The following ITGA1 variants were observed in gnomAD, a reference collection of about 807,000 sequenced individuals.
The protein encoded by ITGA1 is integrin subunit alpha 1.
In ITGA1, 85 loss-of-function variants were observed where a neutral mutation model predicts 145.9. That is an observed-to-expected ratio of 0.58 (90% CI 0.49 to 0.70). The LOEUF (loss-of-function observed/expected upper bound fraction) is 0.70, where lower values mean the gene tolerates loss of function less well. ITGA1 is among the 30% of genes least tolerant of loss of function. The pLI is 0.00. For synonymous variants in ITGA1, 520 were observed against 495.3 expected, an observed-to-expected ratio of 1.05 and a Z score of -0.66; for missense variants, 1,351 against 1,418.7, an observed-to-expected ratio of 0.95 and a Z score of 0.77.
intron 1 of ITGA1, among the ~76,000 whole-genome samples, chr5:52,844,079 T>C (rs553860822): frequency 1.3e-5 from 2 of 152,334 alleles, no homozygotes; most frequent in South Asian, 4.1e-4. Flanking sequence ...TCACAATTTC[T>C]TTTTATAAGA....
intron 7 of ITGA1, among the ~76,000 whole-genome samples, chr5:52,883,601 C>T (rs942033978): frequency 6.6e-6 from 1 of 152,132 alleles, no homozygotes; most frequent in African/African-American, 2.4e-5. Flanking sequence ...TCTTTACCTT[C>T]ATTTTCAGTA....
chr5:52,941,933 T>C lies in ITGA1; in HGVS notation c.3285+1989T>C, dbSNP rs1367788229. 2.6e-5 allele frequency among the ~76,000 whole-genome samples: 4 copies of C among 152,184 alleles called. No individual in the cohort carries two copies. The East Asian group carries it at 7.7e-4, about 29-fold the overall frequency. On this transcript the variant is annotated intron_variant, in intron 26 of 28. Transcript: ENST00000282588. ...AGGTCTTATATTTAAATCTTTAATT[T>C]GTCTTGGTTAGTTTTTATATATGGG...
chr5:52,871,499 A>C (rs1465360160), intron 6 of ITGA1, among the ~76,000 whole-genome samples: 1 of 152,164 alleles, frequency 6.6e-6, no homozygotes, highest in Admixed American at 6.5e-5. Context: ...TAGATTGAAT[A>C]TGATTCCTAT....
rs745933492 is a variant in ITGA1 at position 52,881,844 on chromosome 5, G to A, written c.625-29G>A. On this transcript the variant is annotated intron_variant, in intron 6 of 28. Transcript: ENST00000282588. ...ATCTGAACAGGAAATTTGGATTGAC[G>A]TATAACTCACAGTGGCTTGGTATTT... The A allele has an allele frequency of 8.2e-6, 13 of 1,588,972 alleles. No individual in the cohort carries two copies. The East Asian group carries it at 9.0e-5, about 11-fold the overall frequency.
At chr5:52,797,639 T>G (rs1320032093) in intron 1 of ITGA1, among the ~76,000 whole-genome samples, 2 of 152,038 alleles carry the variant, frequency 1.3e-5, no homozygotes, top group African/African-American at 4.8e-5. Flanking sequence ...AGCACATAAT[T>G]TGCAGTGAAG....
chr5:52,958,261 G>A lies in ITGA1; in HGVS notation c.*5810G>A. ...AAATGGGGGTGAGGGAGTGGAAGAT[G>A]ATGAAACTATTTCTCTTTTATGTCT... On this transcript the variant is annotated 3_prime_UTR_variant, in exon 29 of 29. Coordinates refer to ENST00000282588, the MANE Select transcript of ITGA1 (RefSeq NM_181501.2). The A allele has an allele frequency of 6.6e-6, 1 of 152,136 alleles. No individual in the cohort carries two copies. Among genetic ancestry groups the A allele is most frequent in the East Asian group, 1.9e-4 (1 of 5,198 alleles). The allele number at this position is 152,136 out of a possible 1,614,324, so 9.4% of individuals were successfully genotyped here. A position where few individuals can be genotyped will look rare whatever the true frequency, so the allele number is the denominator to read the frequency against.
rs762276627 is a variant in ITGA1 at position 52,881,899 on chromosome 5, C to G, written c.651C>G (p.Asn217Lys). 2 of 1,613,306 alleles carry G rather than the reference C, an allele frequency of 1.2e-6. No individual in the cohort carries two copies. Among genetic ancestry groups the G allele is most frequent in the Non-Finnish European group, 1.7e-6 (2 of 1,179,648 alleles). ...TTGGAATTGTACAGTATGGAGAAAA[C>G]GTGACCCATGAGTTCAACCTCAATA... ...TQVGIVQYGE[N>K]VTHEFNLNKY... Residue 217 changes from asparagine to lysine, a missense_variant, in exon 7 of 29, where the codon AAC becomes AAG. By Grantham distance (94) the Asn-to-Lys change is moderately conservative. Coordinates refer to ENST00000282588, the MANE Select transcript of ITGA1 (RefSeq NM_181501.2).
At chr5:52,893,598 A>G (rs1750182972) in intron 8 of ITGA1, 77 bp from the exon 9 acceptor site, 14 of 1,328,764 alleles carry the variant, frequency 1.1e-5, no homozygotes, top group Non-Finnish European at 1.4e-5. Context: ...ACTGTTGTTT[A>G]CTGACAAAAT....
chr5:52,939,228 T>C lies in ITGA1; in HGVS notation c.3079-362T>C, dbSNP rs1399271585. 2.0e-5 allele frequency among the ~76,000 whole-genome samples: 3 copies of C among 152,102 alleles called. No individual in the cohort carries two copies. In the East Asian group the frequency reaches 5.8e-4, roughly 29 times the overall value. On this transcript the variant is annotated intron_variant, in intron 24 of 28. Transcript: ENST00000282588. The stretch of plus-strand genomic sequence containing the variant: ...GTTGTTTTTGTTTTTATCAGTAGAA[T>C]TTAAATGCTTTTCTCTCTCTGTAGT...
At position 52,865,677 on chromosome 5, in the gene ITGA1, C is replaced by A; in HGVS notation, c.497-13C>A. The A allele has an allele frequency of 6.6e-7, 1 of 1,510,952 alleles. No homozygotes were observed. The highest frequency in any genetic ancestry group is 8.8e-7 in the Non-Finnish European group (1 of 1,136,314). 93.6% of individuals were successfully genotyped at this position (1,510,952 alleles called of 1,614,324 possible). A position where few individuals can be genotyped will look rare whatever the true frequency, so the allele number is the denominator to read the frequency against. ...TAGATTCCAAATTTGACAATTGACT[C>A]CTTTTATTGCAGAATGCAGCACTCA... On this transcript the variant is annotated splice_polypyrimidine_tract_variant and intron_variant, in intron 5 of 28. Coordinates refer to ENST00000282588, the MANE Select transcript of ITGA1 (RefSeq NM_181501.2).
chr5:52,880,489 A>G (rs1749940458), intron 6 of ITGA1, among the ~76,000 whole-genome samples: 1 of 152,224 alleles, frequency 6.6e-6, no homozygotes, highest in African/African-American at 2.4e-5. Flanking sequence ...TTTAGTTTCC[A>G]AAAAGACTTA....
At chr5:52,925,622 A>G in intron 19 of ITGA1, 135 bp downstream of exon 19, 1 of 650,722 alleles carries the variant, frequency 1.5e-6, no homozygotes. Context: ...AGTCCTCACC[A>G]ATGGTGAAAG....
Position 52,933,963 on chromosome 5 carries a change from G to T in ITGA1, c.2931G>T (p.Glu977Asp). 6.7e-7 allele frequency: 1 copy of T among 1,500,108 alleles called. No individual in the cohort carries two copies. Among genetic ancestry groups the T allele is most frequent in the South Asian group, 1.4e-5 (1 of 71,360 alleles). 92.9% of individuals were successfully genotyped at this position (1,500,108 alleles called of 1,614,324 possible). A position where few individuals can be genotyped will look rare whatever the true frequency, so the allele number is the denominator to read the frequency against. ...ETVPEVINST[E>D]DIGNEINIFY... The stretch of plus-strand genomic sequence containing the variant: ...TCCCTGAAGTTATTAATTCTACTGA[G>T]GACATTGGAAATGAAATTAATATCT... The change falls in exon 23 of 29, where the codon GAG becomes GAT. Residue 977 changes from glutamate (E) to aspartate (D), a missense_variant. By Grantham distance (45) the Glu-to-Asp change is conservative (BLOSUM62 2). Transcript: ENST00000282588.
intron 1 of ITGA1, among the ~76,000 whole-genome samples, chr5:52,819,807 C>A (rs1003873460): frequency 7.6e-4 from 116 of 152,222 alleles, no homozygotes; most frequent in African/African-American, 2.7e-3. Context: ...TTTAATCCAT[C>A]TTGAATTAAT....
intron 8 of ITGA1, among the ~76,000 whole-genome samples, chr5:52,893,253 A>G (rs538546104): frequency 4.6e-5 from 7 of 152,300 alleles, no homozygotes; most frequent in Admixed American, 2.6e-4. Context: ...AGTTTCAGGA[A>G]GAATTGCTCA....
intron 1 of ITGA1, among the ~76,000 whole-genome samples, chr5:52,794,119 A>C (rs1411953056): frequency 6.6e-6 from 1 of 152,134 alleles, no homozygotes; most frequent in East Asian, 1.9e-4. Context: ...CCTATTAACA[A>C]GATAAGTAAG....
At chr5:52,931,785 T>A (rs1750896439) in intron 21 of ITGA1, 1 of 275,692 alleles carries the variant, frequency 3.6e-6, no homozygotes. Context: ...GGGATTCTTA[T>A]CAATATTGTC....
intron 6 of ITGA1, among the ~76,000 whole-genome samples, chr5:52,874,275 C>T (rs1362498766): frequency 6.6e-6 from 1 of 152,054 alleles, no homozygotes; most frequent in Non-Finnish European, 1.5e-5. Flanking sequence ...GTAACTAATC[C>T]AGCCCCACAA....
At chr5:52,794,550 AT>A (rs1748303641) in intron 1 of ITGA1, among the ~76,000 whole-genome samples, 1 of 147,646 alleles carries the variant, frequency 6.8e-6, no homozygotes, top group Non-Finnish European at 1.5e-5. Context: ...TGTTCATAGG[AT>A]TTTGTTTATT....
Sources: gnomAD v4.1 joint callset for allele counts (sites outside exome capture counted in the v4.1 genomes callset) on GRCh38, gnomAD v4.1.1 for gene constraint, MANE v1.5 for transcripts, NCBI Gene and HGNC (gene_info 2026-07-23, HGNC 2026-07-21) for gene names.